Variants in PKN2 observed in about 807,000 individuals in gnomAD.
PKN2 encodes the protein serine/threonine-protein kinase N2.
Under a neutral mutation model 119.1 loss-of-function variants are expected in PKN2, and 38 were observed. That is an observed-to-expected ratio of 0.32 (90% confidence interval 0.25 to 0.42). The LOEUF (loss-of-function observed/expected upper bound fraction) is 0.42. Ranked by LOEUF, PKN2 falls within the 10% of genes least tolerant of loss-of-function variation. The probability of loss-of-function intolerance (pLI) is 1.00; values close to 1 mark genes in which losing one functional copy is unlikely to be tolerated. For missense variants in PKN2, 850 were observed against 1,165.1 expected, an observed-to-expected ratio of 0.73 and a Z score of 3.94; for synonymous variants, 390 against 384.9, an observed-to-expected ratio of 1.01 and a Z score of -0.15.
intron 16 of PKN2, among the ~76,000 whole-genome samples, chr1:88,821,338 C>T (rs1451558700): frequency 3.3e-5 from 5 of 152,166 alleles, no homozygotes; most frequent in Non-Finnish European, 7.4e-5. Flanking sequence ...CTACCTACTT[C>T]TCCATCCTTC....
chr1:88,696,028 G>A lies in PKN2; in HGVS notation c.48+11400G>A, dbSNP rs78376031. Among the ~76,000 whole-genome samples the A allele has an allele frequency of 4.9e-3, 741 of 152,236 alleles. 2 individuals carry two copies. The highest frequency in any genetic ancestry group is 0.017 in the African/African-American group (690 of 41,554). On this transcript the variant is annotated intron_variant, in intron 1 of 21. Coordinates refer to ENST00000370521, the MANE Select transcript of PKN2 (RefSeq NM_006256.4). ...ATTCTGTTGCTTCTAGTCTTTAGAC[G>A]CAATTGATACTGCTCCAGCTTCCTG...
intron 16 of PKN2, among the ~76,000 whole-genome samples, chr1:88,817,614 C>G (rs1211087843): frequency 6.7e-6 from 1 of 149,886 alleles, no homozygotes; most frequent in East Asian, 2.0e-4. Flanking sequence ...AGGCAGGAGG[C>G]AGGAGAATCG....
chr1:88,707,246 A>C (rs552299769), intron 1 of PKN2, among the ~76,000 whole-genome samples: 1 of 152,204 alleles, frequency 6.6e-6, no homozygotes, highest in East Asian at 1.9e-4. Flanking sequence ...TTTTTTTGAC[A>C]TTCTTCATCT....
chr1:88,828,617 T>C lies in PKN2; in HGVS notation c.2556T>C (p.Val852=). ...GCGTGCTTATATATGAAATGCTTGT[T>C]GGTGAGGTAAGCAGTGTGAAATAGG... is the stretch of plus-strand genomic sequence containing the variant. ...GLGVLIYEML[V]GESPFPGDDE... Residue 852 remains valine, a synonymous_variant, in exon 19 of 22, where the codon GTT becomes GTC. Coordinates refer to ENST00000370521, the MANE Select transcript of PKN2 (RefSeq NM_006256.4). 5.0e-6 allele frequency: 8 copies of C among 1,611,894 alleles called. No homozygotes were observed. Among genetic ancestry groups the C allele is most frequent in the Non-Finnish European group, 6.8e-6 (8 of 1,178,388 alleles).
intron 16 of PKN2, among the ~76,000 whole-genome samples, chr1:88,817,874 G>T (rs1463358795): frequency 6.6e-6 from 1 of 152,116 alleles, no homozygotes; most frequent in Non-Finnish European, 1.5e-5. Flanking sequence ...TCTGGCCAGG[G>T]CAATCAGGCA....
chr1:88,774,618 C>CG (rs1003892186), intron 6 of PKN2, among the ~76,000 whole-genome samples: 8 of 151,342 alleles, frequency 5.3e-5, no homozygotes, highest in African/African-American at 1.9e-4. Flanking sequence ...TGTCATTTTG[C>CG]GGGTTTTTTT....
intron 15 of PKN2, among the ~76,000 whole-genome samples, chr1:88,809,157 CTG>C (rs1277830130): frequency 6.6e-6 from 1 of 152,010 alleles, no homozygotes; most frequent in African/African-American, 2.4e-5. Flanking sequence ...TTCTTTTTCA[CTG>C]TTTCTCATAC....
intron 1 of PKN2, among the ~76,000 whole-genome samples, chr1:88,722,462 A>T (rs1487593950): frequency 6.6e-6 from 1 of 151,974 alleles, no homozygotes. Context: ...AGGGGTGGAG[A>T]TTGGATTTGG....
intron 16 of PKN2, among the ~76,000 whole-genome samples, chr1:88,819,930 TC>T (rs1386378553): frequency 6.6e-6 from 1 of 151,328 alleles, no homozygotes; most frequent in Non-Finnish European, 1.5e-5. Context: ...CACTGAATGT[TC>T]TCATAAGTGG....
intron 6 of PKN2, among the ~76,000 whole-genome samples, chr1:88,775,050 GAGAT>G (rs975154193): frequency 1.3e-5 from 2 of 151,954 alleles, no homozygotes; most frequent in African/African-American, 4.8e-5. Context: ...TCCCTTTTAT[GAGAT>G]AGATAGATAT....
chr1:88,768,472 C>T (rs1483089679), intron 3 of PKN2, among the ~76,000 whole-genome samples: 1 of 152,192 alleles, frequency 6.6e-6, no homozygotes, highest in African/African-American at 2.4e-5. Flanking sequence ...CACATCCCAT[C>T]ACTCTGACCT....
Position 88,833,521 on chromosome 1 carries a change from C to A in PKN2, c.*73C>A. 1 of 1,124,114 alleles carries A rather than the reference C, an allele frequency of 8.9e-7. No individual in the cohort carries two copies. The highest frequency in any genetic ancestry group is 1.3e-6 in the Non-Finnish European group (1 of 752,938). 69.6% of individuals were successfully genotyped at this position (1,124,114 alleles called of 1,614,324 possible). On this transcript the variant is annotated 3_prime_UTR_variant, in exon 22 of 22. Transcript: ENST00000370521. ...AAAATAGCAACCCTTCATTTGCTCTCTGTGCCACCAATAGCTTCTGAGTTT... is the reference window on the plus strand; with the variant it reads ...AAAATAGCAACCCTTCATTTGCTCTATGTGCCACCAATAGCTTCTGAGTTT...
At position 88,815,323 on chromosome 1, in the gene PKN2, T is replaced by TA. The variant is rs541784391; in HGVS notation, c.2279+1591dup. The TA allele has an allele frequency of 7.8e-4, 159 of 203,290 alleles. 1 individual carries two copies. Among genetic ancestry groups the TA allele is most frequent in the African/African-American group, 3.7e-3 (156 of 42,094 alleles). The allele number at this position is 203,290 out of a possible 1,614,324, so 12.6% of individuals were successfully genotyped here. ...CTCCAAATCTGAAAGTACCTCCCTT[T>TA]ATCATTCAGTTCTCAGATCAAAGGT... On this transcript the variant is annotated intron_variant, in intron 16 of 21. Transcript: ENST00000370521.
At chr1:88,737,644 T>G (rs186471707) in intron 1 of PKN2, among the ~76,000 whole-genome samples, 1 of 152,226 alleles carries the variant, frequency 6.6e-6, no homozygotes, top group Non-Finnish European at 1.5e-5. Flanking sequence ...TCTGTCATAC[T>G]GAGGCCACAG....
chr1:88,785,414 A>G (rs898909020), intron 7 of PKN2, among the ~76,000 whole-genome samples: 2 of 152,124 alleles, frequency 1.3e-5, no homozygotes, highest in African/African-American at 4.8e-5. Flanking sequence ...GTGAGCCACC[A>G]TCTCCAGCCT....
intron 3 of PKN2, among the ~76,000 whole-genome samples, chr1:88,769,937 G>A (rs1669814653): frequency 6.6e-6 from 1 of 152,106 alleles, no homozygotes; most frequent in Non-Finnish European, 1.5e-5. Context: ...TGCTAAGAGA[G>A]TAAATTTTAG....
chr1:88,755,424 G>A (rs1304174413), intron 2 of PKN2, among the ~76,000 whole-genome samples: 3 of 152,124 alleles, frequency 2.0e-5, no homozygotes, highest in South Asian at 2.1e-4. Context: ...CTTTATATAA[G>A]ACATTTAAGG....
At position 88,833,443 on chromosome 1, in the gene PKN2, TGTTAAG is replaced by T. The variant is rs1672813999; in HGVS notation, c.2951_*1del. The T allele has an allele frequency of 1.2e-6, 2 of 1,612,644 alleles. No homozygotes were observed. The highest frequency in any genetic ancestry group is 2.7e-5 in the African/African-American group (2 of 74,852). On this transcript the variant is annotated stop_lost and 3_prime_UTR_variant, in exon 22 of 22. Transcript: ENST00000370521. ...AGATTTTGACTACATTGCTGATTGG[TGTTAAG>T]TTGCTAGACACTGCGAAACCAAGCT...
chr1:88,784,615 T>C, intron 6 of PKN2, 24 bp from the exon 7 acceptor site: 1 of 1,473,070 alleles, frequency 6.8e-7, no homozygotes, highest in Non-Finnish European at 9.2e-7. Flanking sequence ...GATGTTCTTA[T>C]CTGATATTTA....
Sources: allele counts gnomAD v4.1 joint callset (sites outside exome capture counted in the v4.1 genomes callset), GRCh38; gene constraint gnomAD v4.1.1; transcripts MANE v1.5; gene names NCBI Gene and HGNC (gene_info 2026-07-23, HGNC 2026-07-21).